PKP4: variants seen among roughly 807,000 people sequenced by gnomAD.
The protein encoded by PKP4 is plakophilin-4.
Under a neutral mutation model 145.1 loss-of-function variants are expected in PKP4, and 90 were observed. The ratio of observed to expected loss-of-function variants is 0.62; its 90% CI spans 0.52 to 0.74. The LOEUF (loss-of-function observed/expected upper bound fraction) is 0.74. PKP4 is among the 30% of genes least tolerant of loss of function. The pLI is 0.00. For missense variants in PKP4, 1,340 were observed against 1,482.7 expected (o/e 0.90, Z 1.58); for synonymous variants, 563 against 577.2 (o/e 0.98, Z 0.35).
Position 158,669,856 on chromosome 2 carries a change from C to T in PKP4, c.2865C>T (p.Ala955=). 1 of 1,614,010 alleles carries T rather than the reference C, an allele frequency of 6.2e-7. No individual in the cohort carries two copies. Among genetic ancestry groups the T allele is most frequent in the Non-Finnish European group, 8.5e-7 (1 of 1,179,898 alleles). The change falls in exon 17 of 22, where the codon GCC becomes GCT. Residue 955 remains alanine, a synonymous_variant. Coordinates refer to ENST00000389759, the MANE Select transcript of PKP4 (RefSeq NM_003628.6). Reference sequence around the variant, plus strand: ...GCAAAAACATGGAGAACGCAAAAGCCCTGGCCGACTCAGGAGGCATAGAGA... The same window carrying T: ...GCAAAAACATGGAGAACGCAAAAGCTCTGGCCGACTCAGGAGGCATAGAGA... ...VTSKNMENAK[A]LADSGGIEKL...
chr2:158,603,917 T>C (rs1383051747), intron 4 of PKP4, among the ~76,000 whole-genome samples: 1 of 152,176 alleles, frequency 6.6e-6, no homozygotes, highest in East Asian at 1.9e-4. Context: ...TGAGTTTATC[T>C]AAACCTAGTG....
intron 1 of PKP4, among the ~76,000 whole-genome samples, chr2:158,506,993 G>C (rs902866541): frequency 3.9e-5 from 6 of 152,180 alleles, no homozygotes; most frequent in Admixed American, 1.3e-4. Context: ...CTAAATAACA[G>C]TATGGAATTA....
intron 11 of PKP4, among the ~76,000 whole-genome samples, chr2:158,649,888 G>A (rs2711065): frequency 0.67 from 102,140 of 152,136 alleles, 36,836 homozygotes; most frequent in East Asian, 0.92. Flanking sequence ...TCTATAGCTT[G>A]CAGCTGGAGG....
chr2:158,495,361 AAAAAC>A (rs1432429811), intron 1 of PKP4, among the ~76,000 whole-genome samples: 9 of 147,364 alleles, frequency 6.1e-5, no homozygotes, highest in Non-Finnish European at 1.1e-4. Flanking sequence ...AAAAAAAAAA[AAAAAC>A]AACAAAGCCC....
intron 1 of PKP4, among the ~76,000 whole-genome samples, chr2:158,507,242 C>T (rs977666856): frequency 4.6e-5 from 7 of 152,182 alleles, no homozygotes; most frequent in African/African-American, 1.7e-4. Flanking sequence ...ATGCATTCAA[C>T]TCTAGAGAGA....
intron 7 of PKP4, among the ~76,000 whole-genome samples, chr2:158,630,365 CTT>C (rs2053235226): frequency 6.6e-6 from 1 of 152,112 alleles, no homozygotes; most frequent in African/African-American, 2.4e-5. Flanking sequence ...GTACTACTAA[CTT>C]TGTACTTTTT....
chr2:158,473,996 T>C (rs1418863231), intron 1 of PKP4, among the ~76,000 whole-genome samples: 1 of 152,228 alleles, frequency 6.6e-6, no homozygotes, highest in Non-Finnish European at 1.5e-5. Context: ...AAATGAATTA[T>C]ATTTATTATA....
intron 1 of PKP4, among the ~76,000 whole-genome samples, chr2:158,487,385 G>A (rs1208076201): frequency 2.0e-5 from 3 of 152,126 alleles, no homozygotes; most frequent in Non-Finnish European, 4.4e-5. Context: ...TTTTACACAT[G>A]AGAAAACAGT....
chr2:158,533,943 A>G (rs1270959355), intron 2 of PKP4, among the ~76,000 whole-genome samples: 2 of 152,156 alleles, frequency 1.3e-5, no homozygotes, highest in African/African-American at 4.8e-5. Flanking sequence ...GAATTCTGCA[A>G]TTTTAATTTC....
chr2:158,631,031 G>A (rs189590656), intron 7 of PKP4, among the ~76,000 whole-genome samples: 1,728 of 152,164 alleles, frequency 0.011, 31 homozygotes, highest in African/African-American at 0.038. Flanking sequence ...TCCGCCTTCC[G>A]GGTTCACGCC....
intron 1 of PKP4, among the ~76,000 whole-genome samples, chr2:158,489,639 T>C (rs767630087): frequency 7.2e-5 from 11 of 152,216 alleles, no homozygotes; most frequent in Non-Finnish European, 1.5e-4. Context: ...AAAGATTTAT[T>C]AACCCTTTCT....
At chr2:158,568,313 G>A (rs1169250603) in intron 2 of PKP4, among the ~76,000 whole-genome samples, 1 of 152,124 alleles carries the variant, frequency 6.6e-6, no homozygotes, top group Non-Finnish European at 1.5e-5. Flanking sequence ...ACTCCAGCCT[G>A]GGCAACAAGA....
At chr2:158,608,808 C>CTTTTTTTTTTTTTTTTTTTTT (rs66933766) in intron 4 of PKP4, among the ~76,000 whole-genome samples, 15 of 86,182 alleles carry the variant, frequency 1.7e-4, no homozygotes, top group African/African-American at 6.1e-4. Context: ...TCTTTTCTTT[C>CTTTTTTTTTTTTTTTTTTTTT]TTTTTTTTTT....
chr2:158,519,343 C>T (rs1258415342), intron 1 of PKP4, among the ~76,000 whole-genome samples: 3 of 152,160 alleles, frequency 2.0e-5, no homozygotes, highest in Non-Finnish European at 4.4e-5. Context: ...ATTAGTTCTA[C>T]CTGTTCCACT....
At chr2:158,570,898 A>G (rs2047362790) in intron 2 of PKP4, among the ~76,000 whole-genome samples, 1 of 152,172 alleles carries the variant, frequency 6.6e-6, no homozygotes, top group African/African-American at 2.4e-5. Flanking sequence ...AATCAACAAG[A>G]TATGTTCTCA....
intron 4 of PKP4, among the ~76,000 whole-genome samples, chr2:158,611,690 A>G (rs1191744356): frequency 2.0e-5 from 3 of 152,226 alleles, no homozygotes; most frequent in Non-Finnish European, 4.4e-5. Flanking sequence ...GTACATGTTC[A>G]TAAACAAAAT....
chr2:158,612,470 A>G (rs775044992), intron 4 of PKP4, among the ~76,000 whole-genome samples: 27 of 152,172 alleles, frequency 1.8e-4, no homozygotes, highest in Non-Finnish European at 2.4e-4. Flanking sequence ...CTGCACATAT[A>G]TGAGTGTCTC....
chr2:158,652,832 G>A (rs2055510555), intron 11 of PKP4, among the ~76,000 whole-genome samples: 1 of 152,148 alleles, frequency 6.6e-6, no homozygotes, highest in African/African-American at 2.4e-5. Context: ...GCTTTGTACT[G>A]GGAATGGAGT....
intron 16 of PKP4, 69 bp from the exon 17 acceptor site, chr2:158,669,651 G>C: frequency 8.0e-7 from 1 of 1,255,912 alleles, no homozygotes. Context: ...CATGCCACCA[G>C]AATCTGAACA....
Sources: allele counts gnomAD v4.1 joint callset (sites outside exome capture counted in the v4.1 genomes callset), GRCh38; gene constraint gnomAD v4.1.1; transcripts MANE v1.5; gene names NCBI Gene and HGNC (gene_info 2026-07-23, HGNC 2026-07-21).